The following A1CF variants were observed in gnomAD, a reference collection of about 807,000 sequenced individuals.
The protein encoded by A1CF is APOBEC-1 stimulating protein.
A neutral mutation model predicts 68.9 loss-of-function variants in A1CF; 48 were observed. The ratio of observed to expected loss-of-function variants is 0.70; its 90% CI spans 0.55 to 0.89. The LOEUF (loss-of-function observed/expected upper bound fraction) is 0.89. A1CF is among the 40% of genes least tolerant of loss of function. The probability of loss-of-function intolerance (pLI) is 0.00; values close to 1 mark genes in which losing one functional copy is unlikely to be tolerated. For synonymous variants in A1CF, 272 were observed against 260.4 expected (o/e 1.04, Z -0.43); for missense variants, 653 against 718.9 (o/e 0.91, Z 1.05).
intron 12 of A1CF, among the ~76,000 whole-genome samples, chr10:50,807,406 G>A (rs866268499): frequency 4.5e-4 from 69 of 152,218 alleles, no homozygotes; most frequent in African/African-American, 1.6e-3. Flanking sequence ...GAGAAATACT[G>A]TAAAGGTTAA....
chr10:50,857,710 T>C (rs1840551509), intron 3 of A1CF, among the ~76,000 whole-genome samples: 1 of 152,180 alleles, frequency 6.6e-6, no homozygotes, highest in South Asian at 2.1e-4. Flanking sequence ...AATCTCTCAC[T>C]GTGAACAATG....
Position 50,816,249 on chromosome 10 carries a change from G to C in A1CF, c.898C>G (p.Leu300Val). The C allele has an allele frequency of 6.2e-7, 1 of 1,613,376 alleles. No individual in the cohort carries two copies. The highest frequency in any genetic ancestry group is 8.5e-7 in the Non-Finnish European group (1 of 1,179,614). ...CTGTCCTTGTCCACTGGTTTTGCTA[G>C]GGTGACTTCAATGGGGGAACCATCC... ...VLDGSPIEVT[L>V]AKPVDKDSYV... Residue 300 changes from leucine to valine, a missense_variant, in exon 9 of 13, where the codon CTA becomes GTA. By Grantham distance (32) the Leu-to-Val change is conservative (BLOSUM62 1). Transcript: ENST00000373997.
chr10:50,884,517 G>T (rs565064600), intron 1 of A1CF, among the ~76,000 whole-genome samples: 3 of 152,266 alleles, frequency 2.0e-5, no homozygotes, highest in African/African-American at 7.2e-5. Context: ...CCCATTGCAT[G>T]CTCCATAGCA....
intron 3 of A1CF, among the ~76,000 whole-genome samples, chr10:50,848,317 G>A (rs1044832654): frequency 4.6e-5 from 7 of 152,190 alleles, no homozygotes; most frequent in South Asian, 4.1e-4. Context: ...ATATCACACT[G>A]GTTTAATTTA....
chr10:50,811,055 C>T lies in A1CF; in HGVS notation c.1445G>A (p.Ser482Asn), dbSNP rs1238991055. ...AGTTACGCACATTGCAGGATTCTGG[C>T]TGGCTAGAGCAGGAATAGTTATTTT... ...LYKITIPALA[S>N]QNPAIHPFTP... Residue 482 changes from serine to asparagine, a missense_variant, in exon 11 of 13, where the codon AGC (serine) becomes AAC (asparagine). Ser to Asn is a conservative substitution (Grantham distance 46). Transcript: ENST00000373997. 1 of 1,612,498 alleles carries T rather than the reference C, an allele frequency of 6.2e-7. No individual in the cohort carries two copies.
At chr10:50,883,870 C>A (rs776589436) in intron 1 of A1CF, among the ~76,000 whole-genome samples, 6 of 152,188 alleles carry the variant, frequency 3.9e-5, no homozygotes, top group Non-Finnish European at 7.3e-5. Flanking sequence ...AACTGAGTAG[C>A]TGAGCCTGTT....
At chr10:50,864,766 G>A (rs1342399670) in intron 1 of A1CF, among the ~76,000 whole-genome samples, 1 of 151,926 alleles carries the variant, frequency 6.6e-6, no homozygotes, top group African/African-American at 2.4e-5. Context: ...TTACAGGCAG[G>A]CACCACTACG....
chr10:50,814,743 C>T (rs1462645331), intron 9 of A1CF, among the ~76,000 whole-genome samples: 1 of 152,048 alleles, frequency 6.6e-6, no homozygotes, highest in Non-Finnish European at 1.5e-5. Context: ...TGATTCCTTT[C>T]TTGTTATAAG....
chr10:50,858,073 G>T (rs1179427814), intron 3 of A1CF, among the ~76,000 whole-genome samples: 1 of 152,092 alleles, frequency 6.6e-6, no homozygotes, highest in Non-Finnish European at 1.5e-5. Context: ...TTACCAAACT[G>T]GTGTTGAAAG....
chr10:50,850,625 C>A, intron 3 of A1CF: 1 of 1,612,436 alleles, frequency 6.2e-7, no homozygotes, highest in Non-Finnish European at 8.5e-7. Flanking sequence ...TAAAAGAGAA[C>A]GAGTAAAATG....
intron 8 of A1CF, among the ~76,000 whole-genome samples, chr10:50,816,783 C>A (rs745832684): frequency 1.3e-5 from 2 of 152,122 alleles, no homozygotes; most frequent in Non-Finnish European, 2.9e-5. Context: ...GCTGATAGCC[C>A]GCTAACTGTC....
chr10:50,850,199 G>A (rs1317264951), intron 3 of A1CF, among the ~76,000 whole-genome samples: 1 of 152,082 alleles, frequency 6.6e-6, no homozygotes, highest in Admixed American at 6.5e-5. Flanking sequence ...TAAATTATGA[G>A]TCACCTTCCT....
At chr10:50,825,681 T>C (rs1838886432) in intron 7 of A1CF, among the ~76,000 whole-genome samples, 1 of 152,150 alleles carries the variant, frequency 6.6e-6, no homozygotes, top group Non-Finnish European at 1.5e-5. Context: ...AAGAAAGAGA[T>C]GGGGAGTCAA....
chr10:50,856,510 G>T (rs1200945953), intron 3 of A1CF, among the ~76,000 whole-genome samples: 3 of 152,008 alleles, frequency 2.0e-5, no homozygotes, highest in African/African-American at 7.2e-5. Context: ...CAAAGTTTAG[G>T]TTCCAAAAAA....
rs1837665002 is a variant in A1CF at position 50,802,978 on chromosome 10, A to G, written c.*3751T>C. On this transcript the variant is annotated 3_prime_UTR_variant, in exon 13 of 13. Coordinates refer to ENST00000373997, the MANE Select transcript of A1CF (RefSeq NM_014576.4). Reference sequence around the variant, plus strand: ...AAAAAATACTTTTAAGTAAAATAAAAACCAATTTCCTGCACAGCTATTATC... The same window carrying G: ...AAAAAATACTTTTAAGTAAAATAAAGACCAATTTCCTGCACAGCTATTATC... 1 of 152,252 alleles carries G rather than the reference A, an allele frequency of 6.6e-6. No homozygotes were observed. Among genetic ancestry groups the G allele is most frequent in the East Asian group, 1.9e-4 (1 of 5,208 alleles). 9.4% of individuals were successfully genotyped at this position (152,252 alleles called of 1,614,324 possible).
intron 3 of A1CF, among the ~76,000 whole-genome samples, chr10:50,851,048 T>C (rs1453863736): frequency 1.3e-5 from 2 of 152,222 alleles, no homozygotes; most frequent in Admixed American, 6.5e-5. Flanking sequence ...CTTCTATCTT[T>C]TCCTAGTTCA....
intron 1 of A1CF, among the ~76,000 whole-genome samples, chr10:50,884,008 G>A (rs935209518): frequency 2.0e-5 from 3 of 152,172 alleles, no homozygotes; most frequent in Non-Finnish European, 2.9e-5. Context: ...CGATAATATA[G>A]TGCTTCACAG....
chr10:50,828,811 G>C (rs1323436265), intron 6 of A1CF, among the ~76,000 whole-genome samples: 1 of 152,072 alleles, frequency 6.6e-6, no homozygotes, highest in Non-Finnish European at 1.5e-5. Flanking sequence ...TGGGACTCAG[G>C]CATCCTTAAT....
chr10:50,877,852 G>A (rs1264243098), intron 1 of A1CF, among the ~76,000 whole-genome samples: 1 of 152,218 alleles, frequency 6.6e-6, no homozygotes, highest in African/African-American at 2.4e-5. Flanking sequence ...GCCGGGCGCC[G>A]TGGCTCACGC....
Sources: allele counts gnomAD v4.1 joint callset (sites outside exome capture counted in the v4.1 genomes callset), GRCh38; gene constraint gnomAD v4.1.1; transcripts MANE v1.5; gene names NCBI Gene and HGNC (gene_info 2026-07-23, HGNC 2026-07-21).